Variants in GAN observed in about 807,000 individuals in gnomAD.
GAN encodes the protein gigaxonin.
A neutral mutation model predicts 71.3 loss-of-function variants in GAN; 48 were observed. The ratio of observed to expected loss-of-function variants is 0.67; its 90% CI spans 0.53 to 0.86. The LOEUF is 0.86. Among genes scored for constraint, GAN ranks in the 40% least tolerant of loss-of-function variants. GAN has a pLI of 0.00. For synonymous variants in GAN, 386 were observed against 276.8 expected (o/e 1.39, Z -3.92); for missense variants, 928 against 770.1 (o/e 1.21, Z -2.43).
chr16:81,318,914 A>G (rs1909133489), intron 1 of GAN, among the ~76,000 whole-genome samples: 1 of 152,186 alleles, frequency 6.6e-6, no homozygotes. Flanking sequence ...TCAGCTCAGT[A>G]AATGGCATGC....
chr16:81,363,853 G>C lies in GAN; in HGVS notation c.1146G>C (p.Glu382Asp). The change falls in exon 7 of 11, where the codon GAG becomes GAC. Residue 382 changes from glutamate to aspartate, a missense_variant. Coordinates refer to ENST00000648994, the MANE Select transcript of GAN (RefSeq NM_022041.4). Reference sequence around the variant, plus strand: ...GGATGCTGTACATTTTGGGAGGAGAGGATGGTGAAAAGGAGCTGATTTCCA... The same window carrying C: ...GGATGCTGTACATTTTGGGAGGAGACGATGGTGAAAAGGAGCTGATTTCCA... ...IDGMLYILGG[E>D]DGEKELISME... The C allele has an allele frequency of 6.2e-7, 1 of 1,612,004 alleles. No homozygotes were observed. The highest frequency in any genetic ancestry group is 1.1e-5 in the South Asian group (1 of 91,044).
At chr16:81,354,043 G>T (rs1235842822) in intron 2 of GAN, among the ~76,000 whole-genome samples, 1 of 152,132 alleles carries the variant, frequency 6.6e-6, no homozygotes, top group Non-Finnish European at 1.5e-5. Context: ...TAATCATGTT[G>T]ACTTTACCAT....
intron 3 of GAN, among the ~76,000 whole-genome samples, chr16:81,355,651 C>G (rs1341489809): frequency 6.6e-6 from 1 of 152,198 alleles, no homozygotes; most frequent in Non-Finnish European, 1.5e-5. Context: ...GTGTGAACCA[C>G]CATGCCCAGC....
chr16:81,370,053 T>A (rs563781484), intron 9 of GAN, among the ~76,000 whole-genome samples: 2 of 152,368 alleles, frequency 1.3e-5, no homozygotes, highest in African/African-American at 4.8e-5. Context: ...TCATACCAAT[T>A]TGCAAGGGTC....
intron 1 of GAN, among the ~76,000 whole-genome samples, chr16:81,330,437 G>A (rs1909537418): frequency 6.6e-6 from 1 of 152,182 alleles, no homozygotes; most frequent in African/African-American, 2.4e-5. Context: ...TCAGCAATGT[G>A]AGCAAGAAAA....
intron 1 of GAN, among the ~76,000 whole-genome samples, chr16:81,328,539 CTA>C (rs1391136713): frequency 6.6e-6 from 1 of 152,078 alleles, no homozygotes; most frequent in African/African-American, 2.4e-5. Context: ...ACTTTGGAGA[CTA>C]TATCCCAGAT....
chr16:81,352,795 G>A (rs1276849471), intron 2 of GAN, among the ~76,000 whole-genome samples: 1 of 152,078 alleles, frequency 6.6e-6, no homozygotes, highest in East Asian at 1.9e-4. Flanking sequence ...GTTAATCTGG[G>A]GACAGCCCAG....
At chr16:81,351,102 G>T (rs908800836) in intron 1 of GAN, among the ~76,000 whole-genome samples, 1 of 152,210 alleles carries the variant, frequency 6.6e-6, no homozygotes, top group African/African-American at 2.4e-5. Context: ...GAAAAAGTGA[G>T]CATAGGATTT....
chr16:81,353,137 A>AATAC (rs1411908249), intron 2 of GAN, among the ~76,000 whole-genome samples: 1 of 151,996 alleles, frequency 6.6e-6, no homozygotes, highest in African/African-American at 2.4e-5. Flanking sequence ...TAAAAATACA[A>AATAC]AAAATTAGCC....
At chr16:81,328,649 A>ATTTTTTTTTTTT (rs10690232) in intron 1 of GAN, among the ~76,000 whole-genome samples, 1 of 146,990 alleles carries the variant, frequency 6.8e-6, no homozygotes, top group African/African-American at 2.5e-5. Context: ...TGTGTATCTT[A>ATTTTTTTTTTTT]TTTTTTTTTT....
Position 81,357,481 on chromosome 16 carries a change from T to C in GAN, c.852-329T>C, listed in dbSNP as rs112195828. On this transcript the variant is annotated intron_variant, in intron 4 of 10. Coordinates refer to ENST00000648994, the MANE Select transcript of GAN (RefSeq NM_022041.4). ...ATAGTATTCCATGGTGTATATGTGCTACATTTTCTTAATCCAGTCTATCAA... is the reference window on the plus strand; with the variant it reads ...ATAGTATTCCATGGTGTATATGTGCCACATTTTCTTAATCCAGTCTATCAA... Among the ~76,000 whole-genome samples the C allele has an allele frequency of 0.026, 3,940 of 152,312 alleles. 90 individuals are homozygous for C. The highest frequency in any genetic ancestry group is 0.083 in the East Asian group (430 of 5,188).
rs946373818 is a variant in GAN, at chr16:81,385,491, T to A, written c.*7895T>A. 6.6e-6 allele frequency: 1 copy of A among 152,182 alleles called. No individual in the cohort carries two copies. Among genetic ancestry groups the A allele is most frequent in the African/African-American group, 2.4e-5 (1 of 41,424 alleles). 9.4% of individuals were successfully genotyped at this position (152,182 alleles called of 1,614,324 possible). A position where few individuals can be genotyped will look rare whatever the true frequency, so the allele number is the denominator to read the frequency against. On this transcript the variant is annotated 3_prime_UTR_variant, in exon 11 of 11. Transcript: ENST00000648994. ...AAGGCTCCCAAGGCTCCGTTTCTTA[T>A]GTGGAAGAAGAATAGCAGGAGGACT...
intron 1 of GAN, among the ~76,000 whole-genome samples, chr16:81,346,150 A>G (rs1312530058): frequency 6.6e-6 from 1 of 152,248 alleles, no homozygotes; most frequent in African/African-American, 2.4e-5. Flanking sequence ...AGGAGAGAGA[A>G]ACCACAGAAC....
At chr16:81,349,300 G>A (rs75796786) in intron 1 of GAN, among the ~76,000 whole-genome samples, 3,198 of 152,126 alleles carry the variant, frequency 0.021, 57 homozygotes, top group East Asian at 0.081. Flanking sequence ...GCTAAATTAG[G>A]ATTAAGTTTC....
At position 81,390,222 on chromosome 16, in the gene GAN, C is replaced by G. The variant is rs1904522815; in HGVS notation, c.*12626C>G. 1 of 152,126 alleles carries G rather than the reference C, an allele frequency of 6.6e-6. No individual in the cohort carries two copies. The highest frequency in any genetic ancestry group is 2.1e-4 in the South Asian group (1 of 4,832). The allele number at this position is 152,126 out of a possible 1,614,324, so 9.4% of individuals were successfully genotyped here. On this transcript the variant is annotated 3_prime_UTR_variant, in exon 11 of 11. Coordinates refer to ENST00000648994, the MANE Select transcript of GAN (RefSeq NM_022041.4). ...CTGCAACTTGTAAAATTGTACTCCC[C>G]AAGTTCAGTAGGATAGTAGAGAAGT...
intron 1 of GAN, among the ~76,000 whole-genome samples, chr16:81,335,746 C>CAAAAAAA (rs55948723): frequency 9.7e-6 from 1 of 103,482 alleles, no homozygotes; most frequent in Non-Finnish European, 1.9e-5. Flanking sequence ...GACTCAGTCT[C>CAAAAAAA]AAAAAAAAAA....
chr16:81,360,060 T>C (rs1378205274), intron 5 of GAN, among the ~76,000 whole-genome samples: 5 of 77,068 alleles, frequency 6.5e-5, no homozygotes, highest in Admixed American at 5.4e-4. Context: ...GATGGATGGA[T>C]GGATGGATAG....
chr16:81,364,309 G>T (rs535868063), intron 7 of GAN, among the ~76,000 whole-genome samples: 1 of 152,120 alleles, frequency 6.6e-6, no homozygotes, highest in South Asian at 2.1e-4. Context: ...TTACTCTGTT[G>T]CCCAGATTAG....
chr16:81,381,777 A>C lies in GAN; in HGVS notation c.*4181A>C, dbSNP rs1313102970. The C allele has an allele frequency of 6.6e-6, 1 of 152,220 alleles. No homozygotes were observed. Among genetic ancestry groups the C allele is most frequent in the Non-Finnish European group, 1.5e-5 (1 of 68,040 alleles). 9.4% of individuals were successfully genotyped at this position (152,220 alleles called of 1,614,324 possible). On this transcript the variant is annotated 3_prime_UTR_variant, in exon 11 of 11. Coordinates refer to ENST00000648994, the MANE Select transcript of GAN (RefSeq NM_022041.4). Reference sequence around the variant, plus strand: ...ATATAAGATTCTTGTGATCAAAGTAATGTTCTTCTGTTGAAAAGGGCACTC... The same window carrying C: ...ATATAAGATTCTTGTGATCAAAGTACTGTTCTTCTGTTGAAAAGGGCACTC...
Sources: gnomAD v4.1 joint callset for allele counts (sites outside exome capture counted in the v4.1 genomes callset) on GRCh38, gnomAD v4.1.1 for gene constraint, MANE v1.5 for transcripts, NCBI Gene and HGNC (gene_info 2026-07-23, HGNC 2026-07-21) for gene names.